Variants in GIGYF2 observed in about 807,000 individuals in gnomAD.
GIGYF2 encodes the protein GRB10 interacting GYF protein 2.
GIGYF2 carries 25 observed loss-of-function variants against 208.1 expected under a neutral mutation model. The ratio of observed to expected loss-of-function variants is 0.12; its 90% CI spans 0.09 to 0.17. GIGYF2 has a LOEUF of 0.17. Among genes scored for constraint, GIGYF2 ranks in the 10% least tolerant of loss-of-function variants. GIGYF2 has a pLI of 1.00. For synonymous variants in GIGYF2, 534 were observed against 543.8 expected, an observed-to-expected ratio of 0.98 and a Z score of 0.25; for missense variants, 1,302 against 1,579.4, an observed-to-expected ratio of 0.82 and a Z score of 2.98.
chr2:232,776,508 C>CT, intron 8 of GIGYF2: 1 of 1,275,598 alleles, frequency 7.8e-7, no homozygotes, highest in Non-Finnish European at 1.1e-6. Flanking sequence ...CAGAGTCTGC[C>CT]TTTTTGATCA....
At chr2:232,803,309 A>G (rs373465081) in intron 14 of GIGYF2, among the ~76,000 whole-genome samples, 2 of 152,220 alleles carry the variant, frequency 1.3e-5, no homozygotes, top group East Asian at 1.9e-4. Flanking sequence ...AGTCTTTCAC[A>G]GAGCAAAAAG....
chr2:232,698,085 A>T (rs1472616202), intron 1 of GIGYF2, among the ~76,000 whole-genome samples: 3 of 152,214 alleles, frequency 2.0e-5, no homozygotes, highest in Non-Finnish European at 2.9e-5. Flanking sequence ...CATTATCCTT[A>T]AGTGTCAGTT....
intron 19 of GIGYF2, among the ~76,000 whole-genome samples, chr2:232,816,310 G>C (rs917946301): frequency 5.3e-5 from 8 of 152,212 alleles, no homozygotes; most frequent in Admixed American, 3.9e-4. Context: ...GCGTACAAGA[G>C]AGTGTTGTTG....
Position 232,796,758 on chromosome 2 carries a change from G to C in GIGYF2, c.1639+537G>C, listed in dbSNP as rs537286211. On this transcript the variant is annotated intron_variant, in intron 14 of 28. Transcript: ENST00000373563. Reference sequence around the variant, plus strand: ...GCCTGTAATCCCAGCTACTCGGGAGGGTGAGGCAGGAGAATCACTTGAACC... The same window carrying C: ...GCCTGTAATCCCAGCTACTCGGGAGCGTGAGGCAGGAGAATCACTTGAACC... 5.9e-5 allele frequency among the ~76,000 whole-genome samples: 9 copies of C among 152,166 alleles called. No individual in the cohort carries two copies. The South Asian group carries it at 1.9e-3, about 32-fold the overall frequency.
chr2:232,729,985 C>T (rs1559388013), intron 2 of GIGYF2: 3 of 732,376 alleles, frequency 4.1e-6, no homozygotes, highest in South Asian at 3.1e-5. Flanking sequence ...GCCTTCTTCA[C>T]TCCTGGAAGG....
At chr2:232,739,611 C>G (rs960664312) in intron 3 of GIGYF2, among the ~76,000 whole-genome samples, 2 of 151,428 alleles carry the variant, frequency 1.3e-5, no homozygotes, top group African/African-American at 2.4e-5. Context: ...CCTGGGAGGT[C>G]AAGGCTGCCA....
chr2:232,858,389 G>T lies in GIGYF2; in HGVS notation c.*1529G>T. The T allele has an allele frequency of 7.0e-6, 3 of 427,926 alleles. No individual in the cohort carries two copies. Among genetic ancestry groups the T allele is most frequent in the South Asian group, 5.1e-5 (3 of 58,478 alleles). The allele number at this position is 427,926 out of a possible 1,614,324, so 26.5% of individuals were successfully genotyped here. On this transcript the variant is annotated 3_prime_UTR_variant, in exon 29 of 29. Transcript: ENST00000373563. ...TCTTGCCTCCCTCCCTTCTAAACAT[G>T]TGTAATAACTATACAGAGACTGCTA...
At chr2:232,778,991 C>T (rs979504216) in intron 8 of GIGYF2, among the ~76,000 whole-genome samples, 19 of 152,172 alleles carry the variant, frequency 1.2e-4, no homozygotes, top group Admixed American at 5.2e-4. Flanking sequence ...AGGCCCCTCC[C>T]TGTGCTTGCT....
chr2:232,754,933 T>C (rs376572860), intron 5 of GIGYF2, among the ~76,000 whole-genome samples: 2 of 152,068 alleles, frequency 1.3e-5, no homozygotes, highest in African/African-American at 2.4e-5. Flanking sequence ...CTAAAACTTA[T>C]CAAACAAATT....
At chr2:232,729,419 G>A (rs552251375) in intron 2 of GIGYF2, 2 of 542,024 alleles carry the variant, frequency 3.7e-6, no homozygotes, top group South Asian at 6.8e-5. Flanking sequence ...AGTAATGCAG[G>A]TCTCTTTATT....
intron 2 of GIGYF2, among the ~76,000 whole-genome samples, chr2:232,711,711 A>ATATATATATATATATGTG (rs1426986664): frequency 2.1e-5 from 3 of 142,388 alleles, no homozygotes; most frequent in African/African-American, 8.3e-5. Context: ...TGATGTATAT[A>ATATATATATATATATGTG]TATATATATA....
At chr2:232,785,470 G>T (rs368171570) in intron 8 of GIGYF2, among the ~76,000 whole-genome samples, 3 of 152,166 alleles carry the variant, frequency 2.0e-5, no homozygotes, top group Non-Finnish European at 4.4e-5. Context: ...GCTTCTCCAC[G>T]AGGTCTGTGT....
chr2:232,770,815 A>T lies in GIGYF2; in HGVS notation c.532+9379A>T, dbSNP rs138305098. Reference sequence around the variant, plus strand: ...AAATTATTCTGTAACAGCATTACTTATAACTGACTATACCCTTTCCAAACA... The same window carrying T: ...AAATTATTCTGTAACAGCATTACTTTTAACTGACTATACCCTTTCCAAACA... On this transcript the variant is annotated intron_variant, in intron 8 of 28. Coordinates refer to ENST00000373563, the MANE Select transcript of GIGYF2 (RefSeq NM_001103146.3). The T allele has an allele frequency of 6.9e-6, 6 of 866,602 alleles. No homozygotes were observed. The African/African-American group carries it at 1.0e-4, about 15-fold the overall frequency. The allele number at this position is 866,602 out of a possible 1,614,324, so 53.7% of individuals were successfully genotyped here.
At chr2:232,766,033 AT>A in intron 8 of GIGYF2, 1 of 470,906 alleles carries the variant, frequency 2.1e-6, no homozygotes, top group South Asian at 1.6e-5. Flanking sequence ...CCTCCCAGTA[AT>A]TTCCGCCCTT....
rs114255595 is a variant in GIGYF2, at chr2:232,760,642, T to C, written c.491+51T>C. 1,052 of 1,218,096 alleles carry C rather than the reference T, an allele frequency of 8.6e-4. 9 individuals carry two copies. In the African/African-American group the frequency reaches 0.012, roughly 14 times the overall value. The allele number at this position is 1,218,096 out of a possible 1,614,324, so 75.5% of individuals were successfully genotyped here. ...AAAATTTCTTGGCATATAAAACTTATATTTTTTGCTTTCTGCGGGGAGAAA... is the reference window on the plus strand; with the variant it reads ...AAAATTTCTTGGCATATAAAACTTACATTTTTTGCTTTCTGCGGGGAGAAA... On this transcript the variant is annotated intron_variant, in intron 7 of 28. Transcript: ENST00000373563.
Position 232,833,017 on chromosome 2 carries a change from G to T in GIGYF2, c.2690G>T (p.Arg897Leu), listed in dbSNP as rs376165544. 10 of 1,567,744 alleles carry T rather than the reference G, an allele frequency of 6.4e-6. No individual in the cohort carries two copies. The highest frequency in any genetic ancestry group is 5.9e-5 in the South Asian group (5 of 85,068). ...GTCCAGCGGCAGAAGGAGTTAATGC[G>T]CCAGAGGCAGCAGCAGCAAGAGGCT... is the stretch of plus-strand genomic sequence containing the variant. ...LEVQRQKELM[R>L]QRQQQQEALR... Residue 897 changes from arginine to leucine, a missense_variant, in exon 22 of 29, where the codon CGC becomes CTC. Physicochemically the swap from Arg to Leu is moderately radical, Grantham distance 102. Around this residue, in one of 8 missense-constraint regions of GIGYF2, gnomAD observed 701 missense variants for 793.0 expected, o/e 0.88. Coordinates refer to ENST00000373563, the MANE Select transcript of GIGYF2 (RefSeq NM_001103146.3).
chr2:232,774,495 G>A lies in GIGYF2; in HGVS notation c.533-12655G>A, dbSNP rs182951711. ...GAGAGTTATGACATAACATTGCCAA[G>A]TTTCTGTTTTGCCAGATGAGAAGAC... is the stretch of plus-strand genomic sequence containing the variant. On this transcript the variant is annotated intron_variant, in intron 8 of 28. Coordinates refer to ENST00000373563, the MANE Select transcript of GIGYF2 (RefSeq NM_001103146.3). Among the ~76,000 whole-genome samples, 165 of 152,286 alleles carry A rather than the reference G, an allele frequency of 1.1e-3. 6 individuals carry two copies. Among genetic ancestry groups the A allele is most frequent in the Admixed American group, 9.4e-3 (144 of 15,280 alleles).
At chr2:232,738,248 A>G (rs188506482) in intron 3 of GIGYF2, among the ~76,000 whole-genome samples, 20 of 152,190 alleles carry the variant, frequency 1.3e-4, no homozygotes, top group African/African-American at 4.8e-4. Context: ...CTGTGGAATC[A>G]TTAGGTCTTA....
At chr2:232,775,591 G>T (rs1699479190) in intron 8 of GIGYF2, among the ~76,000 whole-genome samples, 1 of 152,062 alleles carries the variant, frequency 6.6e-6, no homozygotes, top group South Asian at 2.1e-4. Flanking sequence ...GCTGTGTGTG[G>T]GCTGTAAAAT....
Sources: allele counts gnomAD v4.1 joint callset (sites outside exome capture counted in the v4.1 genomes callset), GRCh38; gene constraint gnomAD v4.1.1; regional missense constraint gnomAD v4.1.1; transcripts MANE v1.5; gene names NCBI Gene and HGNC (gene_info 2026-07-23, HGNC 2026-07-21).